The following SMARCD3 variants were observed in gnomAD, a reference collection of about 807,000 sequenced individuals.
The protein encoded by SMARCD3 is SWI/SNF related BAF chromatin remodeling complex subunit D3, also known as SWI/SNF-related matrix-associated actin-dependent regulator of chromatin subfamily D member 3.
In SMARCD3, 14 loss-of-function variants were observed where a neutral mutation model predicts 58.0. That is an observed-to-expected ratio of 0.24 (90% confidence interval 0.16 to 0.38). The LOEUF (loss-of-function observed/expected upper bound fraction) is 0.38. Ranked by LOEUF, SMARCD3 falls within the 10% of genes least tolerant of loss-of-function variation. SMARCD3 has a pLI of 1.00. For synonymous variants in SMARCD3, 253 were observed against 253.8 expected (o/e 1.00, Z 0.03); for missense variants, 408 against 636.9 (o/e 0.64, Z 3.87).
Position 151,239,847 on chromosome 7 carries a change from G to C in SMARCD3, c.1174-101C>G, listed in dbSNP as rs879930263. On this transcript the variant is annotated intron_variant, in intron 10 of 12. Coordinates refer to ENST00000262188, the MANE Select transcript of SMARCD3 (RefSeq NM_001003801.2). The surrounding 1 kb of genome is among the most constrained non-coding windows in gnomAD (Gnocchi z 7.0). ...AGGGGAGGGAGAGGGGGTTTCTTCT[G>C]TGAAGGACAACCCCTCAGAGCCCCT... The C allele has an allele frequency of 5.0e-5, 64 of 1,291,100 alleles. No homozygotes were observed. Among genetic ancestry groups the C allele is most frequent in the Non-Finnish European group, 6.5e-5 (59 of 910,564 alleles). 80.0% of individuals were successfully genotyped at this position (1,291,100 alleles called of 1,614,324 possible). A position where few individuals can be genotyped will look rare whatever the true frequency, so the allele number is the denominator to read the frequency against.
In SMARCD3 at chr7:151,248,244, G is replaced by GC; in HGVS notation, c.78+240dup. ...GGTAGAGTCCCCAAGTCCCACCCCCGCCCCTGACAAGAGCCATGCAAACGC... is the reference window on the plus strand; with the variant it reads ...GGTAGAGTCCCCAAGTCCCACCCCCGCCCCCTGACAAGAGCCATGCAAACGC... On this transcript the variant is annotated intron_variant, in intron 1 of 12. Coordinates refer to ENST00000262188, the MANE Select transcript of SMARCD3 (RefSeq NM_001003801.2). The surrounding 1 kb of genome is among the most constrained non-coding windows in gnomAD (Gnocchi z 6.1). Among the ~76,000 whole-genome samples the GC allele has an allele frequency of 1.5e-5, 1 of 65,342 alleles. No homozygotes were observed. Among genetic ancestry groups the GC allele is most frequent in the East Asian group, 3.6e-4 (1 of 2,788 alleles). 42.9% of individuals were successfully genotyped at this position (65,342 alleles called of 152,430 possible). A position where few individuals can be genotyped will look rare whatever the true frequency, so the allele number is the denominator to read the frequency against.
chr7:151,271,191 T>C (rs958468854), intron 2 of SMARCD3, among the ~76,000 whole-genome samples: 3 of 152,136 alleles, frequency 2.0e-5, no homozygotes, highest in African/African-American at 7.2e-5. Flanking sequence ...GGTGAGGGCC[T>C]GCACCAGCCG....
chr7:151,257,084 TCTCA>T (rs1803724880), intron 2 of SMARCD3, among the ~76,000 whole-genome samples: 1 of 152,172 alleles, frequency 6.6e-6, no homozygotes, highest in Non-Finnish European at 1.5e-5. Context: ...AGAGGCAAAA[TCTCA>T]CTATGTTGCT....
upstream of SMARCD3, among the ~76,000 whole-genome samples, chr7:151,251,512 G>A (rs1584880440): frequency 6.6e-6 from 1 of 152,296 alleles, no homozygotes; most frequent in African/African-American, 2.4e-5. Flanking sequence ...CTGGGGCGGC[G>A]CCAGTGTGGG....
rs560283911 is a variant in SMARCD3, at chr7:151,274,104, G to A, written c.39+1010C>T. Among the ~76,000 whole-genome samples the A allele has an allele frequency of 2.0e-5, 3 of 152,378 alleles. No individual in the cohort carries two copies. The East Asian group carries it at 5.8e-4, about 29-fold the overall frequency. ...GATGTCTCCCTCCTCAGTGCTCTGA[G>A]GCCTGTGTGGTCTGTGGCCCTTTGT... On this transcript the variant is annotated intron_variant, in intron 2 of 13. Transcript: ENST00000356800.
At chr7:151,260,586 G>A (rs570451448) in intron 2 of SMARCD3, among the ~76,000 whole-genome samples, 9 of 152,122 alleles carry the variant, frequency 5.9e-5, no homozygotes, top group Non-Finnish European at 7.4e-5. Flanking sequence ...ACTCCTGTGC[G>A]ACGTACACAC....
intron 1 of SMARCD3, among the ~76,000 whole-genome samples, chr7:151,275,491 G>T (rs1795314441): frequency 6.6e-6 from 1 of 152,230 alleles, no homozygotes; most frequent in African/African-American, 2.4e-5. Flanking sequence ...GGTCCTGCGG[G>T]ACAAAGAACT....
chr7:151,252,438 T>TGA (rs561194702), upstream of SMARCD3, among the ~76,000 whole-genome samples: 6,807 of 135,022 alleles, frequency 0.05, 198 homozygotes, highest in Non-Finnish European at 0.069. Context: ...TGTGTGTGTG[T>TGA]GTGAGAGAGA....
chr7:151,275,167 T>C (rs778351564), exon 2 of SMARCD3: 2 of 1,610,944 alleles, frequency 1.2e-6, no homozygotes, highest in Admixed American at 3.3e-5. Context: ...GGCAGGGTCC[T>C]GCACCTGGAG....
rs1802872523 is a variant in SMARCD3 at position 151,239,892 on chromosome 7, GGGA to G, written c.1174-149_1174-147del. ...GCCCCTGATTTCTCTGAAGTCCCAG[GGGA>G]GGAGGGGATGGGCAGAACTAAACTT... On this transcript the variant is annotated intron_variant, in intron 10 of 12. Transcript: ENST00000262188. The surrounding 1 kb of genome is among the most constrained non-coding windows in gnomAD (Gnocchi z 7.0). The G allele has an allele frequency of 3.0e-6, 3 of 986,152 alleles. No homozygotes were observed. Among genetic ancestry groups the G allele is most frequent in the Non-Finnish European group, 4.5e-6 (3 of 669,432 alleles). The allele number at this position is 986,152 out of a possible 1,614,324, so 61.1% of individuals were successfully genotyped here. A position where few individuals can be genotyped will look rare whatever the true frequency, so the allele number is the denominator to read the frequency against.
At position 151,242,488 on chromosome 7, in the gene SMARCD3, A is replaced by G. The variant is rs751960257; in HGVS notation, c.572T>C (p.Leu191Pro). 6.2e-7 allele frequency: 1 copy of G among 1,613,556 alleles called. No individual in the cohort carries two copies. The highest frequency in any genetic ancestry group is 1.1e-5 in the South Asian group (1 of 91,082). ...SWELRVEGKL[L>P]DDPSKQKRKF... Reference sequence around the variant, plus strand: ...ACCTGGGCCGGGACGTACATCATCCAGGAGCTTCCCCTCCACCCGTAGCTC... The same window carrying G: ...ACCTGGGCCGGGACGTACATCATCCGGGAGCTTCCCCTCCACCCGTAGCTC... Residue 191 changes from leucine (L) to proline (P), a missense_variant, in exon 5 of 13, where the codon CTG (leucine) becomes CCG (proline). This residue lies in a region of SMARCD3 where 128 missense variants were observed against 188.8 expected (regional missense o/e 0.68). Transcript: ENST00000262188. The surrounding 1 kb of genome is among the most constrained non-coding windows in gnomAD (Gnocchi z 4.7).
At chr7:151,252,501 G>A (rs1803559219), upstream of SMARCD3, among the ~76,000 whole-genome samples, 1 of 151,820 alleles carries the variant, frequency 6.6e-6, no homozygotes, top group African/African-American at 2.4e-5. Flanking sequence ...AAAGAGAGAG[G>A]GAGAAAGTGA....
chr7:151,254,035 C>T (rs1239533950), intron 2 of SMARCD3, among the ~76,000 whole-genome samples: 3 of 152,196 alleles, frequency 2.0e-5, no homozygotes, highest in Admixed American at 1.3e-4. Context: ...ACAAGGGGAT[C>T]GCATGGCCTC....
Position 151,243,753 on chromosome 7 carries a change from G to C in SMARCD3, c.291-52C>G, listed in dbSNP as rs772823227. The C allele has an allele frequency of 4.7e-6, 6 of 1,283,424 alleles. No homozygotes were observed. The South Asian group carries it at 7.1e-5, about 15-fold the overall frequency. 79.5% of individuals were successfully genotyped at this position (1,283,424 alleles called of 1,614,324 possible). A position where few individuals can be genotyped will look rare whatever the true frequency, so the allele number is the denominator to read the frequency against. The stretch of plus-strand genomic sequence containing the variant: ...GGTTACCATGGCGACAGATCTGGGC[G>C]TAACGAGGCCACCTGCTAGATTATC... On this transcript the variant is annotated intron_variant, in intron 2 of 12. Coordinates refer to ENST00000262188, the MANE Select transcript of SMARCD3 (RefSeq NM_001003801.2). The surrounding 1 kb of genome is among the most constrained non-coding windows in gnomAD (Gnocchi z 4.4).
intron 2 of SMARCD3, among the ~76,000 whole-genome samples, chr7:151,262,806 C>T (rs1803959051): frequency 6.6e-6 from 1 of 152,220 alleles, no homozygotes; most frequent in African/African-American, 2.4e-5. Flanking sequence ...CCAAGGCTGG[C>T]ATGGGGTGCT....
At position 151,246,459 on chromosome 7, in the gene SMARCD3, G is replaced by T. The variant is rs1803271553; in HGVS notation, c.79-788C>A. Among the ~76,000 whole-genome samples, 1 of 152,202 alleles carries T rather than the reference G, an allele frequency of 6.6e-6. No homozygotes were observed. Among genetic ancestry groups the T allele is most frequent in the Non-Finnish European group, 1.5e-5 (1 of 68,032 alleles). On this transcript the variant is annotated intron_variant, in intron 1 of 12. Coordinates refer to ENST00000262188, the MANE Select transcript of SMARCD3 (RefSeq NM_001003801.2). This position sits in a 1 kb window ranked among gnomAD's most constrained non-coding sequence, Gnocchi z 4.4. ...AAGGGCAGCCTGCTGGGGCGCCCCA[G>T]ACACAGCCAGGATTCTCTGATTGGG...
chr7:151,267,878 G>A (rs555259021), intron 2 of SMARCD3, among the ~76,000 whole-genome samples: 1 of 152,328 alleles, frequency 6.6e-6, no homozygotes. Flanking sequence ...TTGGGGCACT[G>A]AGGTGGGAGA....
chr7:151,266,821 C>T (rs532293340), intron 2 of SMARCD3, among the ~76,000 whole-genome samples: 1 of 152,312 alleles, frequency 6.6e-6, no homozygotes, highest in African/African-American at 2.4e-5. Flanking sequence ...AAGCCATCTT[C>T]CTGCCTCAGC....
rs982497007 is a variant in SMARCD3, at chr7:151,246,271, C to T, written c.79-600G>A. On this transcript the variant is annotated intron_variant, in intron 1 of 12. Coordinates refer to ENST00000262188, the MANE Select transcript of SMARCD3 (RefSeq NM_001003801.2). The surrounding 1 kb of genome is among the most constrained non-coding windows in gnomAD (Gnocchi z 4.4). ...CTTGGGCGGTTCTGCCTGGTACTCACTAGCTCATCTCAGCCACTCTGCTCC... is the reference window on the plus strand; with the variant it reads ...CTTGGGCGGTTCTGCCTGGTACTCATTAGCTCATCTCAGCCACTCTGCTCC... 4 of 152,844 alleles carry T rather than the reference C, an allele frequency of 2.6e-5. No individual in the cohort carries two copies. The highest frequency in any genetic ancestry group is 9.6e-5 in the African/African-American group (4 of 41,454). 9.5% of individuals were successfully genotyped at this position (152,844 alleles called of 1,614,324 possible). A position where few individuals can be genotyped will look rare whatever the true frequency, so the allele number is the denominator to read the frequency against.
Sources: gnomAD v4.1 joint callset for allele counts (sites outside exome capture counted in the v4.1 genomes callset) on GRCh38, gnomAD v4.1.1 for gene constraint, gnomAD v4.1.1 regional missense constraint, Gnocchi (gnomAD v3.1) non-coding constraint, MANE v1.5 for transcripts, NCBI Gene and HGNC (gene_info 2026-07-23, HGNC 2026-07-21) for gene names.